CACNA1C: variants seen among roughly 807,000 people sequenced by gnomAD.
CACNA1C encodes the protein calcium voltage-gated channel subunit alpha1 C, also known as voltage-dependent L-type calcium channel subunit alpha-1C.
Under a neutral mutation model 229.0 loss-of-function variants are expected in CACNA1C, and 30 were observed. That is an observed-to-expected ratio of 0.13 (90% CI 0.10 to 0.18). CACNA1C has a LOEUF of 0.18. Ranked by LOEUF, CACNA1C falls within the 10% of genes least tolerant of loss-of-function variation. The probability of loss-of-function intolerance (pLI) is 1.00; values close to 1 mark genes in which losing one functional copy is unlikely to be tolerated. For synonymous variants in CACNA1C, 1,114 were observed against 1,132.5 expected, an observed-to-expected ratio of 0.98 and a Z score of 0.33; for missense variants, 1,658 against 2,845.0, an observed-to-expected ratio of 0.58 and a Z score of 9.49.
chr12:2,424,304 A>C (rs2099007591), intron 3 of CACNA1C, among the ~76,000 whole-genome samples: 1 of 152,130 alleles, frequency 6.6e-6, no homozygotes, highest in East Asian at 1.9e-4. Context: ...GTGATCTGAG[A>C]GGTCCAGAGA....
intron 1 of CACNA1C, among the ~76,000 whole-genome samples, chr12:2,042,602 A>C (rs1227668403): frequency 6.6e-6 from 1 of 152,190 alleles, no homozygotes. Flanking sequence ...TCCTGGGGGC[A>C]TTCACACCAC....
chr12:2,245,111 G>A (rs1385551697), intron 3 of CACNA1C, among the ~76,000 whole-genome samples: 83 of 152,328 alleles, frequency 5.4e-4, no homozygotes, highest in Non-Finnish European at 1.2e-4. Flanking sequence ...AAACAGCATG[G>A]CCATGTGGAG....
chr12:2,492,896 C>T (rs1301566715), intron 6 of CACNA1C, among the ~76,000 whole-genome samples: 1 of 152,172 alleles, frequency 6.6e-6, no homozygotes, highest in Non-Finnish European at 1.5e-5. Context: ...TGACATGTTG[C>T]AGCAGAATGG....
At chr12:2,146,166 G>T (rs574407115) in intron 3 of CACNA1C, among the ~76,000 whole-genome samples, 2 of 151,140 alleles carry the variant, frequency 1.3e-5, no homozygotes, top group Non-Finnish European at 3.0e-5. Flanking sequence ...TTAGATTGGG[G>T]CAAGGAAAGG....
intron 10 of CACNA1C, among the ~76,000 whole-genome samples, chr12:2,556,744 A>T (rs1383420829): frequency 6.6e-6 from 1 of 152,184 alleles, no homozygotes; most frequent in African/African-American, 2.4e-5. Context: ...TACTTAGAAG[A>T]TGCTAGCCAG....
At position 2,605,925 on chromosome 12, in the gene CACNA1C, G is replaced by A. The variant is rs572217108; in HGVS notation, c.3156+139G>A. On this transcript the variant is annotated intron_variant, in intron 24 of 46. Coordinates refer to ENST00000399655, the MANE Select transcript of CACNA1C (RefSeq NM_000719.7). The surrounding 1 kb of genome is among the most constrained non-coding windows in gnomAD (Gnocchi z 6.2). ...TGGATATAACCTCCACCTGCAGCCC[G>A]ACTCAACCTTCAGACCAGGGTAGGG... 10 of 646,426 alleles carry A rather than the reference G, an allele frequency of 1.5e-5. No individual in the cohort carries two copies. The highest frequency in any genetic ancestry group is 9.1e-5 in the African/African-American group (5 of 55,120). 40.0% of individuals were successfully genotyped at this position (646,426 alleles called of 1,614,324 possible). A position where few individuals can be genotyped will look rare whatever the true frequency, so the allele number is the denominator to read the frequency against.
intron 38 of CACNA1C, 197 bp from the exon 39 acceptor site, chr12:2,674,344 G>T: frequency 1.4e-6 from 1 of 736,690 alleles, no homozygotes. Flanking sequence ...GGGAAGGAAG[G>T]AAGGTGGACA....
intron 1 of CACNA1C, among the ~76,000 whole-genome samples, chr12:2,064,191 C>T (rs1049247086): frequency 6.6e-6 from 1 of 152,208 alleles, no homozygotes; most frequent in Non-Finnish European, 1.5e-5. Context: ...AAACCGGTGT[C>T]TCTATATCCA....
rs376414745 is a variant in CACNA1C, at chr12:2,641,826, C to A, written c.3913-6649C>A. On this transcript the variant is annotated intron_variant, in intron 30 of 46. Transcript: ENST00000399655. ...TTTGTGAGGTCCCTCCCCATCCCCC[C>A]ACAAAGGCTGTTTTCTACTCTGCTT... 21 of 701,320 alleles carry A rather than the reference C, an allele frequency of 3.0e-5. 1 individual carries two copies. The highest frequency in any genetic ancestry group is 2.6e-4 in the Middle Eastern group (1 of 3,826). The allele number at this position is 701,320 out of a possible 1,614,324, so 43.4% of individuals were successfully genotyped here. A position where few individuals can be genotyped will look rare whatever the true frequency, so the allele number is the denominator to read the frequency against.
intron 3 of CACNA1C, among the ~76,000 whole-genome samples, chr12:2,148,506 C>A (rs924364381): frequency 1.3e-5 from 2 of 151,184 alleles, no homozygotes; most frequent in African/African-American, 4.8e-5. Context: ...GTAATGATTA[C>A]CATCTACAGC....
chr12:2,100,234 T>C (rs941083626), intron 1 of CACNA1C, among the ~76,000 whole-genome samples: 3 of 151,786 alleles, frequency 2.0e-5, no homozygotes, highest in Admixed American at 2.0e-4. Context: ...TCACCTGAGG[T>C]CAGGACTTCG....
At chr12:2,049,615 A>G (rs2051744413), upstream of CACNA1C, among the ~76,000 whole-genome samples, 1 of 152,230 alleles carries the variant, frequency 6.6e-6, no homozygotes, top group South Asian at 2.1e-4. Flanking sequence ...TCTCTTCTTG[A>G]AGACACCTAA....
intron 9 of CACNA1C, among the ~76,000 whole-genome samples, chr12:2,535,704 TAAAAAAA>T (rs758857733): frequency 0.23 from 8,392 of 36,194 alleles, 386 homozygotes; most frequent in Non-Finnish European, 0.26. Context: ...AGACCCTGTC[TAAAAAAA>T]AAAAAAAAAA....
intron 3 of CACNA1C, among the ~76,000 whole-genome samples, chr12:2,339,564 G>A (rs544377403): frequency 6.6e-6 from 1 of 152,258 alleles, no homozygotes; most frequent in Non-Finnish European, 1.5e-5. Context: ...ACACACAGCT[G>A]TACAAAAATA....
At position 2,605,834 on chromosome 12, in the gene CACNA1C, C is replaced by A. The variant is rs1211177471; in HGVS notation, c.3156+48C>A. 3.2e-6 allele frequency: 4 copies of A among 1,256,624 alleles called. No individual in the cohort carries two copies. The highest frequency in any genetic ancestry group is 1.5e-5 in the African/African-American group (1 of 68,050). The allele number at this position is 1,256,624 out of a possible 1,614,324, so 77.8% of individuals were successfully genotyped here. On this transcript the variant is annotated intron_variant, in intron 24 of 46. Coordinates refer to ENST00000399655, the MANE Select transcript of CACNA1C (RefSeq NM_000719.7). The surrounding 1 kb of genome is among the most constrained non-coding windows in gnomAD (Gnocchi z 6.2). Reference sequence around the variant, plus strand: ...GTCCTCCTACCTCCCCTCCCATCAGCATTCCTGGGGAAGGGAACTGGCAGA... The same window carrying A: ...GTCCTCCTACCTCCCCTCCCATCAGAATTCCTGGGGAAGGGAACTGGCAGA...
At chr12:2,109,454 C>T (rs571511075) in intron 1 of CACNA1C, among the ~76,000 whole-genome samples, 6 of 152,292 alleles carry the variant, frequency 3.9e-5, no homozygotes, top group African/African-American at 7.2e-5. Context: ...AAAGGCACTG[C>T]GGCAGGCAAG....
rs1242873513 is a variant in CACNA1C at position 2,691,523 on chromosome 12, A to G, written c.*324A>G. 7.0e-6 allele frequency: 2 copies of G among 287,656 alleles called. No homozygotes were observed. The highest frequency in any genetic ancestry group is 5.2e-5 in the Admixed American group (1 of 19,140). 17.8% of individuals were successfully genotyped at this position (287,656 alleles called of 1,614,324 possible). On this transcript the variant is annotated 3_prime_UTR_variant, in exon 47 of 47. Transcript: ENST00000399655. ...CCGGCTTCCCGCGCGCCCTCACCAA[A>G]AGGACCCTACAGCAAACGGGTGTCT...
Position 2,384,733 on chromosome 12 carries a change from A to C in CACNA1C, c.478-64243A>C, listed in dbSNP as rs532938464. ...TTGCAGTCTTGGTCCTCACCGTGGC[A>C]TAGTATAGTACCAGTAGAGGCACTG... On this transcript the variant is annotated intron_variant, in intron 3 of 46. Coordinates refer to ENST00000399655, the MANE Select transcript of CACNA1C (RefSeq NM_000719.7). Among the ~76,000 whole-genome samples the C allele has an allele frequency of 1.2e-4, 19 of 152,322 alleles. No individual in the cohort carries two copies. In the South Asian group the frequency reaches 3.9e-3, roughly 32 times the overall value.
In CACNA1C at chr12:2,413,307, A is replaced by G. The variant is rs527342969; in HGVS notation, c.478-35669A>G. ...GGTGGGATTACAGGCGTGAGCCACC[A>G]CACCCAGCCTACCCAATGCTTTTTG... On this transcript the variant is annotated intron_variant, in intron 3 of 46. Transcript: ENST00000399655. 3.5e-3 allele frequency among the ~76,000 whole-genome samples: 530 copies of G among 152,318 alleles called. 1 individual carries two copies. The highest frequency in any genetic ancestry group is 5.1e-3 in the Non-Finnish European group (348 of 68,030).
Sources: allele counts gnomAD v4.1 joint callset (sites outside exome capture counted in the v4.1 genomes callset), GRCh38; gene constraint gnomAD v4.1.1; non-coding constraint Gnocchi (gnomAD v3.1); transcripts MANE v1.5; gene names NCBI Gene and HGNC (gene_info 2026-07-23, HGNC 2026-07-21).